DNAH12: variants seen among roughly 807,000 people sequenced by gnomAD.
The protein encoded by DNAH12 is axonemal beta dynein heavy chain 12.
Under a neutral mutation model 371.5 loss-of-function variants are expected in DNAH12, and 285 were observed. The ratio of observed to expected loss-of-function variants is 0.77; its 90% CI spans 0.70 to 0.85. The LOEUF (loss-of-function observed/expected upper bound fraction) is 0.85. DNAH12 is among the 40% of genes least tolerant of loss of function. The pLI, the probability that DNAH12 is intolerant of heterozygous loss-of-function variation, is 0.00. For missense variants in DNAH12, 3,611 were observed against 3,689.4 expected (o/e 0.98, Z 0.55); for synonymous variants, 1,200 against 1,213.0 (o/e 0.99, Z 0.22).
At chr3:57,534,789 G>A (rs373893130) in intron 2 of DNAH12, among the ~76,000 whole-genome samples, 1 of 152,142 alleles carries the variant, frequency 6.6e-6, no homozygotes, top group Non-Finnish European at 1.5e-5. Context: ...GATTACAGGT[G>A]TGAGTCACTA....
At chr3:57,427,603 T>C (rs1407844258) in intron 34 of DNAH12, among the ~76,000 whole-genome samples, 1 of 152,034 alleles carries the variant, frequency 6.6e-6, no homozygotes, top group African/African-American at 2.4e-5. Context: ...GGCAGGAGAA[T>C]TGCTTCAACG....
chr3:57,486,354 G>C (rs1158271122), intron 12 of DNAH12, among the ~76,000 whole-genome samples: 2 of 152,082 alleles, frequency 1.3e-5, no homozygotes, highest in African/African-American at 4.8e-5. Flanking sequence ...AGGATCTCTT[G>C]AGCCCAGGAG....
At chr3:57,444,590 T>C in intron 29 of DNAH12, 107 bp downstream of exon 29, 2 of 1,475,014 alleles carry the variant, frequency 1.4e-6, no homozygotes, top group South Asian at 1.3e-5. Flanking sequence ...AAATAGGGGA[T>C]TTTCCTCAAA....
intron 7 of DNAH12, among the ~76,000 whole-genome samples, 181 bp downstream of exon 7, chr3:57,508,201 A>C (rs201533607): frequency 0.027 from 681 of 25,156 alleles, 4 homozygotes; most frequent in Non-Finnish European, 0.059. Flanking sequence ...AAAAAAAAAC[A>C]AAAAAAAAAA....
At position 57,484,627 on chromosome 3, in the gene DNAH12, A is replaced by G. The variant is rs557972022; in HGVS notation, c.1515-1116T>C. Among the ~76,000 whole-genome samples, 5 of 152,284 alleles carry G rather than the reference A, an allele frequency of 3.3e-5. No homozygotes were observed. The East Asian group carries it at 9.6e-4, about 29-fold the overall frequency. On this transcript the variant is annotated intron_variant, in intron 12 of 73. Coordinates refer to ENST00000495027, the MANE Select transcript of DNAH12 (RefSeq NM_001366028.2). ...GAAAAAAGCTTCTGGACATTGGCTTAGGCAAAGAATCCATGACTAAGACCT... is the reference window on the plus strand; with the variant it reads ...GAAAAAAGCTTCTGGACATTGGCTTGGGCAAAGAATCCATGACTAAGACCT...
At chr3:57,410,411 G>A (rs1228519553) in intron 39 of DNAH12, among the ~76,000 whole-genome samples, 1 of 152,030 alleles carries the variant, frequency 6.6e-6, no homozygotes, top group Admixed American at 6.6e-5. Flanking sequence ...AACCTTAACT[G>A]ATTAAATATT....
chr3:57,497,161 A>G (rs2084358), intron 11 of DNAH12, among the ~76,000 whole-genome samples: 66,593 of 152,052 alleles, frequency 0.44, 15,766 homozygotes, highest in South Asian at 0.58. Context: ...TCAAGATGGC[A>G]GTTCTTTCCA....
Position 57,453,245 on chromosome 3 carries a change from A to C in DNAH12, c.3613+2T>G, listed in dbSNP as rs1299037833. The C allele has an allele frequency of 6.6e-7, 1 of 1,520,888 alleles. No individual in the cohort carries two copies. Among genetic ancestry groups the C allele is most frequent in the South Asian group, 1.3e-5 (1 of 77,388 alleles). The allele number at this position is 1,520,888 out of a possible 1,614,324, so 94.2% of individuals were successfully genotyped here. On this transcript the variant is annotated splice_donor_variant, in intron 24 of 73. Coordinates refer to ENST00000495027, the MANE Select transcript of DNAH12 (RefSeq NM_001366028.2). LOFTEE classifies it high-confidence loss of function. ...TTAAAAATTAAAGAAAAAGTCACAT[A>C]CCCATTTTAATCATGTCCATGACCA...
At chr3:57,479,206 A>G (rs1048192102) in intron 13 of DNAH12, among the ~76,000 whole-genome samples, 3 of 152,216 alleles carry the variant, frequency 2.0e-5, no homozygotes, top group African/African-American at 7.2e-5. Flanking sequence ...ACTAGGCTCA[A>G]AATAAAGGGA....
In DNAH12 at chr3:57,446,144, A is replaced by G. The variant is rs539806613; in HGVS notation, c.4066T>C (p.Leu1356=). 1 of 1,551,658 alleles carries G rather than the reference A, an allele frequency of 6.4e-7. No individual in the cohort carries two copies. Among genetic ancestry groups the G allele is most frequent in the African/African-American group, 1.4e-5 (1 of 73,134 alleles). Residue 1356 remains leucine (L), a synonymous_variant, in exon 27 of 74, where the codon TTG becomes CTG. Coordinates refer to ENST00000495027, the MANE Select transcript of DNAH12 (RefSeq NM_001366028.2). ...LCIQRAIQQK[L]VVFVFEGTEL... The stretch of plus-strand genomic sequence containing the variant: ...GTCCCTTCAAAAACAAACACAACCA[A>G]CTTCTGTTGAATAGCTCTCTGAATG...
intron 5 of DNAH12, among the ~76,000 whole-genome samples, chr3:57,509,971 C>A (rs1275384019): frequency 6.7e-6 from 1 of 149,786 alleles, no homozygotes; most frequent in South Asian, 2.1e-4. Context: ...ATTTTATGTT[C>A]CCACCACACA....
At chr3:57,498,923 T>C (rs1052948831) in intron 11 of DNAH12, among the ~76,000 whole-genome samples, 6 of 151,876 alleles carry the variant, frequency 4.0e-5, no homozygotes, top group Admixed American at 2.0e-4. Flanking sequence ...GGCTTGAACC[T>C]GGGAGGCGGA....
intron 37 of DNAH12, among the ~76,000 whole-genome samples, chr3:57,416,148 A>G (rs759898948): frequency 1.1e-4 from 17 of 152,010 alleles, no homozygotes; most frequent in Non-Finnish European, 2.2e-4. Flanking sequence ...AAGTGGCACA[A>G]TCATAGCTCA....
chr3:57,429,828 A>T, intron 32 of DNAH12, 54 bp from the exon 33 acceptor site: 3 of 1,394,374 alleles, frequency 2.2e-6, no homozygotes, highest in Non-Finnish European at 2.9e-6. Context: ...AGTTTCTCAG[A>T]TAAAAATTTA....
At chr3:57,518,914 G>A (rs2068304643) in intron 4 of DNAH12, among the ~76,000 whole-genome samples, 1 of 152,134 alleles carries the variant, frequency 6.6e-6, no homozygotes, top group Non-Finnish European at 1.5e-5. Context: ...AATCATCCAT[G>A]GAGATTCAAG....
chr3:57,322,290 C>A, intron 65 of DNAH12, 53 bp downstream of exon 65: 2 of 1,441,166 alleles, frequency 1.4e-6, no homozygotes, highest in Non-Finnish European at 1.8e-6. Flanking sequence ...TTTACACTTC[C>A]ATATTTGATC....
Position 57,307,911 on chromosome 3 carries a change from T to C in DNAH12, c.11189+1240A>G, listed in dbSNP as rs528939591. Among the ~76,000 whole-genome samples the C allele has an allele frequency of 2.6e-5, 4 of 152,316 alleles. 1 individual carries two copies. The South Asian group carries it at 8.3e-4, about 32-fold the overall frequency. On this transcript the variant is annotated intron_variant, in intron 69 of 73. Coordinates refer to ENST00000495027, the MANE Select transcript of DNAH12 (RefSeq NM_001366028.2). Reference sequence around the variant, plus strand: ...GCCACACACCAGCAAAGGCAGGCTATGCTATAGTACAAGCCACTAACCTGC... The same window carrying C: ...GCCACACACCAGCAAAGGCAGGCTACGCTATAGTACAAGCCACTAACCTGC...
At chr3:57,423,730 A>C (rs993277063) in intron 35 of DNAH12, among the ~76,000 whole-genome samples, 2 of 152,148 alleles carry the variant, frequency 1.3e-5, no homozygotes, top group Non-Finnish European at 2.9e-5. Flanking sequence ...TGGCCTAGCT[A>C]ACCAAGACTA....
chr3:57,428,923 T>C (rs2064868106), intron 33 of DNAH12, 102 bp from the exon 34 acceptor site: 1 of 1,205,262 alleles, frequency 8.3e-7, no homozygotes, highest in Admixed American at 2.9e-5. Context: ...CTTTATAATC[T>C]AGCTCCCATC....
Sources: allele counts gnomAD v4.1 joint callset (sites outside exome capture counted in the v4.1 genomes callset), GRCh38; gene constraint gnomAD v4.1.1; transcripts MANE v1.5; gene names NCBI Gene and HGNC (gene_info 2026-07-23, HGNC 2026-07-21).